Variants in HS3ST4 observed in about 807,000 individuals in gnomAD.
HS3ST4 encodes heparan sulfate-glucosamine 3-sulfotransferase 4.
A neutral mutation model predicts 29.2 loss-of-function variants in HS3ST4; 17 were observed. The ratio of observed to expected loss-of-function variants is 0.58; its 90% confidence interval spans 0.40 to 0.87. The LOEUF is 0.87. Among genes scored for constraint, HS3ST4 ranks in the 40% least tolerant of loss-of-function variants. The probability of loss-of-function intolerance (pLI) is 0.00; values close to 1 mark genes in which losing one functional copy is unlikely to be tolerated. For missense variants in HS3ST4, 627 were observed against 634.5 expected (o/e 0.99, Z 0.13); for synonymous variants, 314 against 285.7 (o/e 1.10, Z -1.00).
chr16:26,020,851 T>G (rs1477558695), intron 1 of HS3ST4, among the ~76,000 whole-genome samples: 1 of 152,204 alleles, frequency 6.6e-6, no homozygotes, highest in Admixed American at 6.5e-5. Context: ...ACCCACATTG[T>G]TTAGGTTCAA....
At chr16:25,746,368 C>A (rs1183932765) in intron 1 of HS3ST4, among the ~76,000 whole-genome samples, 1 of 152,076 alleles carries the variant, frequency 6.6e-6, no homozygotes, top group Non-Finnish European at 1.5e-5. Flanking sequence ...TTTTTCCAAA[C>A]AAATAATGGG....
rs571137334 is a variant in HS3ST4, at chr16:25,985,712, A to AG, written c.735-149897dup. ...TGTTTATTTATTTATTTTTAGCGAC[A>AG]GGGTCTTGCTCTGTTGCCCAAGGTG... On this transcript the variant is annotated intron_variant, in intron 1 of 1. Transcript: ENST00000331351. Among the ~76,000 whole-genome samples, 499 of 151,980 alleles carry AG rather than the reference A, an allele frequency of 3.3e-3. 4 individuals are homozygous for AG. Among genetic ancestry groups the AG allele is most frequent in the African/African-American group, 0.011 (469 of 41,452 alleles).
intron 1 of HS3ST4, among the ~76,000 whole-genome samples, chr16:26,077,103 A>C (rs993171176): frequency 6.6e-6 from 1 of 152,148 alleles, no homozygotes. Flanking sequence ...CCCACAGTCC[A>C]TGGTGCCTCA....
chr16:25,716,317 T>C (rs1046322727), intron 1 of HS3ST4, among the ~76,000 whole-genome samples: 1 of 152,230 alleles, frequency 6.6e-6, no homozygotes, highest in Non-Finnish European at 1.5e-5. Context: ...GAATAAAGAC[T>C]ACATTTCCCA....
At chr16:25,905,898 A>G (rs1245589561) in intron 1 of HS3ST4, among the ~76,000 whole-genome samples, 4 of 152,154 alleles carry the variant, frequency 2.6e-5, no homozygotes, top group Non-Finnish European at 5.9e-5. Context: ...TCATTCCTTT[A>G]TCACCAAAGC....
At chr16:25,943,558 T>C (rs1968595235) in intron 1 of HS3ST4, among the ~76,000 whole-genome samples, 1 of 152,022 alleles carries the variant, frequency 6.6e-6, no homozygotes, top group South Asian at 2.1e-4. Flanking sequence ...AGTACTTATG[T>C]TTAAAAAAAA....
chr16:25,984,114 C>T (rs1001686136), intron 1 of HS3ST4, among the ~76,000 whole-genome samples: 2 of 151,820 alleles, frequency 1.3e-5, no homozygotes, highest in Non-Finnish European at 2.9e-5. Context: ...AAATGATGTA[C>T]TTACTATTGT....
intron 1 of HS3ST4, among the ~76,000 whole-genome samples, chr16:25,922,178 A>G (rs1968360917): frequency 6.6e-6 from 1 of 152,058 alleles, no homozygotes; most frequent in Non-Finnish European, 1.5e-5. Context: ...AACTGCTGCT[A>G]TGGTCTGAAA....
intron 1 of HS3ST4, 32 bp from the exon 2 acceptor site, chr16:26,135,580 A>T: frequency 1.3e-6 from 2 of 1,547,958 alleles, no homozygotes; most frequent in Non-Finnish European, 1.7e-6. Context: ...GACAGGAATA[A>T]CCATTCTCTT....
intron 1 of HS3ST4, among the ~76,000 whole-genome samples, chr16:26,107,674 T>C (rs571553784): frequency 1.3e-5 from 2 of 152,320 alleles, no homozygotes; most frequent in South Asian, 4.1e-4. Flanking sequence ...TTACTTCACA[T>C]AGAATAATGG....
intron 1 of HS3ST4, among the ~76,000 whole-genome samples, chr16:25,828,242 CTCTTTCTTTCTTTCTT>C (rs1174433355): frequency 2.1e-4 from 16 of 75,024 alleles, no homozygotes; most frequent in East Asian, 7.5e-4. Flanking sequence ...TTCTTTCTTT[CTCTTTCTTTCTTTCTT>C]TCTTTCTTTC....
rs115688913 is a variant in HS3ST4, at chr16:25,838,812, G to A, written c.734+145661G>A. 7.5e-3 allele frequency among the ~76,000 whole-genome samples: 1,148 copies of A among 152,264 alleles called. 16 individuals carry two copies. Among genetic ancestry groups the A allele is most frequent in the African/African-American group, 0.026 (1,084 of 41,564 alleles). On this transcript the variant is annotated intron_variant, in intron 1 of 1. Transcript: ENST00000331351. ...GCCAACACTCAGCCGAGAAAAGAGC[G>A]AAGCCCTTTTTGGGTCACTTTTTTC...
chr16:25,698,037 G>GAGTA (rs1966310328), intron 1 of HS3ST4, among the ~76,000 whole-genome samples: 1 of 152,082 alleles, frequency 6.6e-6, no homozygotes, highest in Non-Finnish European at 1.5e-5. Context: ...ATCTCACTTT[G>GAGTA]AGTAGCAAAG....
At chr16:26,016,218 T>C (rs370623498) in intron 1 of HS3ST4, among the ~76,000 whole-genome samples, 38 of 152,350 alleles carry the variant, frequency 2.5e-4, no homozygotes, top group African/African-American at 7.9e-4. Context: ...GCTGTTCTTA[T>C]GGATAAAGTA....
chr16:25,795,052 A>G (rs79473840), intron 1 of HS3ST4, among the ~76,000 whole-genome samples: 4 of 150,612 alleles, frequency 2.7e-5, no homozygotes, highest in Admixed American at 1.3e-4. Flanking sequence ...GCTCACTGTA[A>G]CCTCCGCTTC....
At chr16:26,080,614 C>A (rs1013487781) in intron 1 of HS3ST4, among the ~76,000 whole-genome samples, 3 of 152,146 alleles carry the variant, frequency 2.0e-5, no homozygotes, top group African/African-American at 7.2e-5. Flanking sequence ...CATTGAGAAA[C>A]TCAGGGAGAC....
At chr16:26,088,960 C>T (rs898690573) in intron 1 of HS3ST4, among the ~76,000 whole-genome samples, 2 of 152,202 alleles carry the variant, frequency 1.3e-5, no homozygotes, top group Admixed American at 1.3e-4. Context: ...TCTGCAAAAT[C>T]CATCCAGCCA....
At chr16:25,910,558 G>C (rs554661922) in intron 1 of HS3ST4, among the ~76,000 whole-genome samples, 1 of 151,916 alleles carries the variant, frequency 6.6e-6, no homozygotes, top group Non-Finnish European at 1.5e-5. Context: ...CAGGAGAATC[G>C]CTTGAACCCA....
chr16:26,051,193 A>G (rs895284019), intron 1 of HS3ST4, among the ~76,000 whole-genome samples: 1 of 152,064 alleles, frequency 6.6e-6, no homozygotes, highest in South Asian at 2.1e-4. Context: ...CCCATTTGCA[A>G]TCTCCCTTCC....
Sources: gnomAD v4.1 joint callset for allele counts (sites outside exome capture counted in the v4.1 genomes callset) on GRCh38, gnomAD v4.1.1 for gene constraint, MANE v1.5 for transcripts, NCBI Gene and HGNC (gene_info 2026-07-23, HGNC 2026-07-21) for gene names.